Variants in VPS13B observed in about 807,000 individuals in gnomAD.
The protein encoded by VPS13B is vacuolar protein sorting 13 homolog B, also known as intermembrane lipid transfer protein VPS13B.
In VPS13B, 285 loss-of-function variants were observed where a neutral mutation model predicts 426.4. That is an observed-to-expected ratio of 0.67 (90% CI 0.61 to 0.74). The LOEUF (loss-of-function observed/expected upper bound fraction) is 0.74. Among genes scored for constraint, VPS13B ranks in the 30% least tolerant of loss-of-function variants. The pLI, the probability that VPS13B is intolerant of heterozygous loss-of-function variation, is 0.00. For synonymous variants in VPS13B, 1,676 were observed against 1,676.4 expected (o/e 1.00, Z 0.01); for missense variants, 4,537 against 4,782.6 (o/e 0.95, Z 1.51).
rs1167378268 is a variant in VPS13B at position 99,163,349 on chromosome 8, G to A, written c.2208+6606G>A. Among the ~76,000 whole-genome samples, 4 of 152,206 alleles carry A rather than the reference G, an allele frequency of 2.6e-5. No individual in the cohort carries two copies. In the East Asian group the frequency reaches 7.7e-4, roughly 29 times the overall value. On this transcript the variant is annotated intron_variant, in intron 15 of 61. Transcript: ENST00000357162. ...CAGCTGGCTTCACCTAGTGGATCCC[G>A]CACCGGGGCTGCAGGTGGAGCTGCC...
intron 17 of VPS13B, among the ~76,000 whole-genome samples, chr8:99,249,287 A>G (rs922278124): frequency 2.1e-4 from 32 of 152,094 alleles, no homozygotes; most frequent in Non-Finnish European, 5.9e-5. Flanking sequence ...TGAAGGACAT[A>G]TTTGTTGTTT....
intron 19 of VPS13B, among the ~76,000 whole-genome samples, chr8:99,305,150 G>A (rs2133082203): frequency 6.6e-6 from 1 of 152,108 alleles, no homozygotes. Flanking sequence ...CGCTTCCCAA[G>A]ACAGGTTAGG....
intron 17 of VPS13B, among the ~76,000 whole-genome samples, chr8:99,226,811 G>A (rs1356862498): frequency 2.6e-5 from 4 of 152,146 alleles, no homozygotes; most frequent in African/African-American, 9.7e-5. Flanking sequence ...TTTGTTGCAT[G>A]CGTAAAATGG....
At chr8:99,288,810 T>G (rs538131676) in intron 19 of VPS13B, among the ~76,000 whole-genome samples, 1 of 152,262 alleles carries the variant, frequency 6.6e-6, no homozygotes, top group Admixed American at 6.6e-5. Flanking sequence ...CAATGACTTA[T>G]GATCCAGCAT....
chr8:99,643,156 C>A (rs1054075239), intron 34 of VPS13B, among the ~76,000 whole-genome samples: 2 of 152,042 alleles, frequency 1.3e-5, no homozygotes, highest in African/African-American at 4.8e-5. Flanking sequence ...TATTAAGTAA[C>A]AAGGGCCAGT....
chr8:99,269,461 A>C (rs997358321), intron 17 of VPS13B, among the ~76,000 whole-genome samples: 36 of 152,170 alleles, frequency 2.4e-4, no homozygotes, highest in African/African-American at 8.2e-4. Context: ...CATCCTACAA[A>C]AGCATTATAC....
intron 25 of VPS13B, among the ~76,000 whole-genome samples, chr8:99,488,857 T>C (rs1191261440): frequency 6.6e-6 from 1 of 152,222 alleles, no homozygotes; most frequent in Non-Finnish European, 1.5e-5. Flanking sequence ...GATGAGAGTT[T>C]CTTTTGCTGT....
intron 54 of VPS13B, among the ~76,000 whole-genome samples, chr8:99,846,594 A>T (rs997828719): frequency 6.6e-6 from 1 of 152,234 alleles, no homozygotes; most frequent in Non-Finnish European, 1.5e-5. Context: ...GTGAAAAGAC[A>T]AGGATAGACT....
At chr8:99,139,893 GACA>G (rs969920292) in intron 12 of VPS13B, among the ~76,000 whole-genome samples, 6 of 150,210 alleles carry the variant, frequency 4.0e-5, no homozygotes, top group Non-Finnish European at 8.9e-5. Context: ...GTTTTTTTGT[GACA>G]ACTTTTTTTT....
intron 17 of VPS13B, among the ~76,000 whole-genome samples, chr8:99,272,519 T>TATC (rs935552848): frequency 1.2e-4 from 18 of 152,104 alleles, no homozygotes; most frequent in South Asian, 8.3e-4. Context: ...TAATTGTCAT[T>TATC]ATCATCATCA....
intron 25 of VPS13B, among the ~76,000 whole-genome samples, chr8:99,492,590 C>A (rs1210669616): frequency 6.6e-6 from 1 of 152,224 alleles, no homozygotes; most frequent in African/African-American, 2.4e-5. Flanking sequence ...ACCCCTCTCC[C>A]CGCCAGGCTC....
At chr8:99,575,539 C>A in intron 31 of VPS13B, 119 bp from the exon 32 acceptor site, 1 of 1,281,152 alleles carries the variant, frequency 7.8e-7, no homozygotes, top group Non-Finnish European at 1.1e-6. Context: ...AATAGGCACT[C>A]TCAAAATAAT....
chr8:99,351,167 A>T (rs888236297), intron 19 of VPS13B, among the ~76,000 whole-genome samples: 1 of 152,200 alleles, frequency 6.6e-6, no homozygotes, highest in Non-Finnish European at 1.5e-5. Flanking sequence ...CCAACAAATC[A>T]GTACCTAAAT....
chr8:99,835,731 G>A lies in VPS13B; in HGVS notation c.9935G>A (p.Gly3312Glu), dbSNP rs779300264. Residue 3312 changes from glycine to glutamate, a missense_variant, in exon 54 of 62, where the codon GGA (glycine) becomes GAA (glutamate). Around this residue, in one of 2 missense-constraint regions of VPS13B, gnomAD observed 4,311 missense variants for 4,474.3 expected, o/e 0.96. Transcript: ENST00000357162. ...GATGCCATTGACATCAACAGTCAGGGAACACAGGTCAGTGAGCCATGTGTT... is the reference window on the plus strand; with the variant it reads ...GATGCCATTGACATCAACAGTCAGGAAACACAGGTCAGTGAGCCATGTGTT... ...WSDAIDINSQ[G>E]TQVVFLTGFG... 6.2e-7 allele frequency: 1 copy of A among 1,614,084 alleles called. No individual in the cohort carries two copies. The highest frequency in any genetic ancestry group is 1.7e-5 in the Admixed American group (1 of 60,024).
chr8:99,524,423 A>G (rs1822539889), intron 30 of VPS13B, among the ~76,000 whole-genome samples: 1 of 152,338 alleles, frequency 6.6e-6, no homozygotes, highest in South Asian at 2.1e-4. Context: ...GACTACCTCA[A>G]GGCATTTAAT....
At chr8:99,775,713 C>G (rs192949875) in intron 40 of VPS13B, among the ~76,000 whole-genome samples, 12 of 152,240 alleles carry the variant, frequency 7.9e-5, no homozygotes, top group Non-Finnish European at 1.0e-4. Flanking sequence ...GCCTGATCAA[C>G]ATGTTGAAAC....
intron 3 of VPS13B, among the ~76,000 whole-genome samples, chr8:99,076,207 T>C (rs1768541833): frequency 6.6e-6 from 1 of 152,238 alleles, no homozygotes; most frequent in Admixed American, 6.5e-5. Context: ...TTTATTCTTG[T>C]GGTCTGAGAA....
Position 99,115,880 on chromosome 8 carries a change from G to A in VPS13B, c.937+6G>A, listed in dbSNP as rs2132498266. 1 of 1,610,550 alleles carries A rather than the reference G, an allele frequency of 6.2e-7. No homozygotes were observed. The highest frequency in any genetic ancestry group is 1.3e-5 in the African/African-American group (1 of 74,878). On this transcript the variant is annotated splice_donor_region_variant and intron_variant, in intron 7 of 61. Coordinates refer to ENST00000357162, the MANE Select transcript of VPS13B (RefSeq NM_152564.5). ...TATGCTAGGAAACATTACAGGTAAT[G>A]TAAAACTTTATTAAACAAAAACTTT...
chr8:99,034,849 G>A (rs181968711), intron 2 of VPS13B, among the ~76,000 whole-genome samples: 7 of 152,062 alleles, frequency 4.6e-5, no homozygotes, highest in Non-Finnish European at 1.0e-4. Context: ...AAGTCTTGTC[G>A]CATGCGCGCG....
Sources: gnomAD v4.1 joint callset for allele counts (sites outside exome capture counted in the v4.1 genomes callset) on GRCh38, gnomAD v4.1.1 for gene constraint, gnomAD v4.1.1 regional missense constraint, MANE v1.5 for transcripts, NCBI Gene and HGNC (gene_info 2026-07-23, HGNC 2026-07-21) for gene names.